The following RALGPS1 variants were observed in gnomAD, a reference collection of about 807,000 sequenced individuals.
The protein encoded by RALGPS1 is Ral GEF with PH domain and SH3 binding motif 1.
A neutral mutation model predicts 78.8 loss-of-function variants in RALGPS1; 19 were observed. That is an observed-to-expected ratio of 0.24 (90% CI 0.17 to 0.35). RALGPS1 has a LOEUF of 0.35. Among genes scored for constraint, RALGPS1 ranks in the 10% least tolerant of loss-of-function variants. The pLI is 1.00. For missense variants in RALGPS1, 454 were observed against 688.3 expected, an observed-to-expected ratio of 0.66 and a Z score of 3.81; for synonymous variants, 228 against 256.3, an observed-to-expected ratio of 0.89 and a Z score of 1.06.
In RALGPS1 at chr9:127,183,171, AG is replaced by A. The variant is rs35359358; in HGVS notation, c.910+8391del. Among the ~76,000 whole-genome samples the A allele has an allele frequency of 0.16, 23,598 of 152,138 alleles. 2,294 individuals are homozygous for A. Among genetic ancestry groups the A allele is most frequent in the East Asian group, 0.37 (1,887 of 5,168 alleles). ...CCGCCCCCGACCCAGTCACCCCACC[AG>A]GCCTCGCCTCCAACACTGGGAATCA... On this transcript the variant is annotated intron_variant, in intron 11 of 18. Coordinates refer to ENST00000259351, the MANE Select transcript of RALGPS1 (RefSeq NM_014636.3). This position sits in a 1 kb window ranked among gnomAD's most constrained non-coding sequence, Gnocchi z 4.0.
At chr9:127,053,231 C>T (rs953142686) in intron 7 of RALGPS1, among the ~76,000 whole-genome samples, 3 of 152,174 alleles carry the variant, frequency 2.0e-5, no homozygotes, top group Non-Finnish European at 4.4e-5. Flanking sequence ...ATGACTTCTG[C>T]CCTCCACTTG....
chr9:127,005,981 G>T (rs1409933667), intron 4 of RALGPS1, among the ~76,000 whole-genome samples: 1 of 152,182 alleles, frequency 6.6e-6, no homozygotes, highest in Non-Finnish European at 1.5e-5. Context: ...ACCAATAGAT[G>T]TGAATACAGC....
At chr9:126,962,417 G>A in intron 2 of RALGPS1, 71 bp downstream of exon 2, 1 of 1,484,900 alleles carries the variant, frequency 6.7e-7, no homozygotes, top group South Asian at 1.1e-5. Context: ...CCCCAGCTGA[G>A]CCTTGGACAG....
chr9:127,199,893 C>T (rs775430445), intron 14 of RALGPS1, among the ~76,000 whole-genome samples: 34 of 148,380 alleles, frequency 2.3e-4, no homozygotes, highest in Non-Finnish European at 4.6e-4. Flanking sequence ...TATCCAGGGC[C>T]CTGGGCACAC....
At chr9:127,153,148 G>A (rs149485486) in intron 8 of RALGPS1, among the ~76,000 whole-genome samples, 10 of 152,182 alleles carry the variant, frequency 6.6e-5, no homozygotes, top group Admixed American at 2.6e-4. Context: ...CAGTCAAACT[G>A]TCTGGGCTGG....
chr9:127,157,394 C>G (rs2058759366), intron 8 of RALGPS1, among the ~76,000 whole-genome samples: 2 of 152,022 alleles, frequency 1.3e-5, no homozygotes, highest in African/African-American at 4.8e-5. Context: ...AACTCAGATA[C>G]AAAGAGATGT....
chr9:127,153,755 T>C (rs1321400828), intron 8 of RALGPS1, among the ~76,000 whole-genome samples: 1 of 152,244 alleles, frequency 6.6e-6, no homozygotes, highest in East Asian at 1.9e-4. Flanking sequence ...CCTCTGACGA[T>C]GTAGCCAGAA....
intron 8 of RALGPS1, among the ~76,000 whole-genome samples, chr9:127,071,274 A>T (rs1186840934): frequency 6.6e-6 from 1 of 152,074 alleles, no homozygotes; most frequent in African/African-American, 2.4e-5. Context: ...ATTTGTTTTC[A>T]GTCACACTGT....
At chr9:127,144,322 G>C (rs961984714) in intron 8 of RALGPS1, among the ~76,000 whole-genome samples, 1 of 152,196 alleles carries the variant, frequency 6.6e-6, no homozygotes, top group African/African-American at 2.4e-5. Flanking sequence ...CATGAAATCT[G>C]AGTTTCCCAG....
Position 127,122,250 on chromosome 9 carries a change from C to G in RALGPS1, c.611-43819C>G, listed in dbSNP as rs930997538. 1 of 152,330 alleles carries G rather than the reference C, an allele frequency of 6.6e-6. No individual in the cohort carries two copies. Among genetic ancestry groups the G allele is most frequent in the African/African-American group, 2.4e-5 (1 of 41,462 alleles). The allele number at this position is 152,330 out of a possible 1,614,324, so 9.4% of individuals were successfully genotyped here. ...CTGGAGGGTCAGGGTTCTGGAAGCCCTAGCCACGGGGCCAGCGGCTGCCTC... is the reference window on the plus strand; with the variant it reads ...CTGGAGGGTCAGGGTTCTGGAAGCCGTAGCCACGGGGCCAGCGGCTGCCTC... On this transcript the variant is annotated intron_variant, in intron 8 of 18. Transcript: ENST00000259351. The surrounding 1 kb of genome is among the most constrained non-coding windows in gnomAD (Gnocchi z 6.4).
At chr9:127,060,091 A>G (rs543023758) in intron 7 of RALGPS1, among the ~76,000 whole-genome samples, 1 of 152,300 alleles carries the variant, frequency 6.6e-6, no homozygotes, top group South Asian at 2.1e-4. Context: ...GCTGGGAGCT[A>G]GGGTTGTAAT....
chr9:127,123,378 A>T (rs889438610), intron 8 of RALGPS1, among the ~76,000 whole-genome samples: 1 of 152,172 alleles, frequency 6.6e-6, no homozygotes. Context: ...CATCCCTTCC[A>T]TGCATCGGTA....
chr9:127,053,660 CTG>C (rs2048481376), intron 7 of RALGPS1, among the ~76,000 whole-genome samples: 2 of 152,180 alleles, frequency 1.3e-5, no homozygotes, highest in Admixed American at 1.3e-4. Context: ...CTGACAAAAA[CTG>C]TATGGAATTG....
chr9:126,987,403 G>T (rs2133075836), intron 4 of RALGPS1, among the ~76,000 whole-genome samples: 1 of 152,294 alleles, frequency 6.6e-6, no homozygotes, highest in Non-Finnish European at 1.5e-5. Context: ...GGAAAGACAG[G>T]TGATGTGCTC....
At chr9:127,051,917 A>G (rs937583019) in intron 6 of RALGPS1, among the ~76,000 whole-genome samples, 2 of 152,204 alleles carry the variant, frequency 1.3e-5, no homozygotes, top group Admixed American at 6.5e-5. Flanking sequence ...GGAAGGGGCA[A>G]CTGAGCTTGG....
intron 4 of RALGPS1, among the ~76,000 whole-genome samples, chr9:127,002,446 T>C (rs1453754618): frequency 4.2e-4 from 57 of 136,858 alleles, no homozygotes; most frequent in East Asian, 1.1e-3. Context: ...TTTTTTTTTT[T>C]TCTTTTTTTT....
At chr9:127,128,372 A>G (rs947381594) in intron 8 of RALGPS1, among the ~76,000 whole-genome samples, 3 of 152,216 alleles carry the variant, frequency 2.0e-5, no homozygotes, top group African/African-American at 7.2e-5. Context: ...GCTTCTCACC[A>G]TCAGTGGTGT....
intron 3 of RALGPS1, among the ~76,000 whole-genome samples, chr9:126,976,760 C>G (rs969232473): frequency 4.6e-5 from 7 of 152,188 alleles, no homozygotes; most frequent in Admixed American, 3.9e-4. Context: ...GTCTTCAGCT[C>G]TCCTCTCCCT....
intron 8 of RALGPS1, among the ~76,000 whole-genome samples, chr9:127,070,758 G>T (rs2050126374): frequency 6.6e-6 from 1 of 151,968 alleles, no homozygotes. Flanking sequence ...ATGTAGAAGT[G>T]ACTCCTGATA....
Sources: allele counts gnomAD v4.1 joint callset (sites outside exome capture counted in the v4.1 genomes callset), GRCh38; gene constraint gnomAD v4.1.1; non-coding constraint Gnocchi (gnomAD v3.1); transcripts MANE v1.5; gene names NCBI Gene and HGNC (gene_info 2026-07-23, HGNC 2026-07-21).